The following ATL2 variants were observed in gnomAD, a reference collection of about 807,000 sequenced individuals.
ATL2 encodes the protein atlastin-2.
In ATL2, 31 loss-of-function variants were observed where a neutral mutation model predicts 73.9. The ratio of observed to expected loss-of-function variants is 0.42; its 90% CI spans 0.32 to 0.57. The LOEUF is 0.57. Among genes scored for constraint, ATL2 ranks in the 20% least tolerant of loss-of-function variants. The probability of loss-of-function intolerance (pLI) is 0.14; values close to 1 mark genes in which losing one functional copy is unlikely to be tolerated. For missense variants in ATL2, 738 were observed against 702.6 expected, an observed-to-expected ratio of 1.05 and a Z score of -0.57; for synonymous variants, 291 against 237.5, an observed-to-expected ratio of 1.23 and a Z score of -2.07.
intron 2 of ATL2, among the ~76,000 whole-genome samples, chr2:38,335,142 T>C (rs1284366253): frequency 6.6e-6 from 1 of 151,504 alleles, no homozygotes; most frequent in African/African-American, 2.4e-5. Flanking sequence ...ACACTGCTGA[T>C]GGAAGTGTAA....
At chr2:38,310,255 A>T (rs112531332) in intron 8 of ATL2, 54 bp downstream of exon 8, 3 of 1,584,406 alleles carry the variant, frequency 1.9e-6, no homozygotes. Context: ...TTCTTAAAAA[A>T]CTTTCCACCT....
intron 1 of ATL2, among the ~76,000 whole-genome samples, chr2:38,355,260 G>A (rs1159432776): frequency 4.6e-5 from 7 of 152,074 alleles, no homozygotes; most frequent in African/African-American, 7.2e-5. Flanking sequence ...CCGAGTAGCT[G>A]AGATTACAGT....
At chr2:38,359,296 C>G (rs112263334) in intron 1 of ATL2, among the ~76,000 whole-genome samples, 6 of 151,810 alleles carry the variant, frequency 4.0e-5, no homozygotes, top group Non-Finnish European at 8.8e-5. Flanking sequence ...ATGGTGAAAC[C>G]CTGTCTCCAC....
chr2:38,372,445 G>A (rs1671744242), intron 1 of ATL2, among the ~76,000 whole-genome samples: 1 of 152,132 alleles, frequency 6.6e-6, no homozygotes, highest in African/African-American at 2.4e-5. Flanking sequence ...ATGTTCCAGG[G>A]ACTGGAACAT....
At chr2:38,315,986 T>G (rs1489026051) in intron 4 of ATL2, among the ~76,000 whole-genome samples, 1 of 152,214 alleles carries the variant, frequency 6.6e-6, no homozygotes, top group Admixed American at 6.5e-5. Flanking sequence ...AGGGTCTAAG[T>G]ATCCTCAGGA....
At chr2:38,347,610 G>C (rs1670097957) in intron 1 of ATL2, among the ~76,000 whole-genome samples, 1 of 152,018 alleles carries the variant, frequency 6.6e-6, no homozygotes, top group South Asian at 2.1e-4. Context: ...CACAGAATGA[G>C]TGTGCCACTA....
At chr2:38,345,876 G>C (rs947845642) in intron 1 of ATL2, among the ~76,000 whole-genome samples, 5 of 151,962 alleles carry the variant, frequency 3.3e-5, no homozygotes, top group African/African-American at 1.2e-4. Context: ...TGTCAAACAG[G>C]CATAGCATTA....
chr2:38,370,628 G>A (rs75827147), intron 1 of ATL2, among the ~76,000 whole-genome samples: 2,441 of 152,070 alleles, frequency 0.016, 39 homozygotes, highest in East Asian at 0.058. Context: ...AAAATTAGGC[G>A]TGGTAGCGGG....
Position 38,295,403 on chromosome 2 carries a change from A to G in ATL2, c.*591T>C, listed in dbSNP as rs1403475724. On this transcript the variant is annotated 3_prime_UTR_variant, in exon 13 of 13. Transcript: ENST00000378954. ...ATGCATCTCCTTTTAGGGCAAGTTT[A>G]TAAATTTAAAAAGGCAAGACAAATG... 6.6e-6 allele frequency: 1 copy of G among 152,240 alleles called. No homozygotes were observed. Among genetic ancestry groups the G allele is most frequent in the African/African-American group, 2.4e-5 (1 of 41,466 alleles). 9.4% of individuals were successfully genotyped at this position (152,240 alleles called of 1,614,324 possible). A position where few individuals can be genotyped will look rare whatever the true frequency, so the allele number is the denominator to read the frequency against.
intron 1 of ATL2, among the ~76,000 whole-genome samples, chr2:38,369,632 G>C (rs1156504075): frequency 1.3e-5 from 2 of 151,206 alleles, no homozygotes; most frequent in African/African-American, 4.9e-5. Context: ...ACACCTGTAA[G>C]TCCCAGCTAC....
chr2:38,376,317 G>A (rs1486405457), intron 1 of ATL2: 1 of 1,253,818 alleles, frequency 8.0e-7, no homozygotes, highest in Non-Finnish European at 1.0e-6. Flanking sequence ...CGAGGGGGCA[G>A]GGGCGCTCCT....
intron 1 of ATL2, chr2:38,376,072 C>G (rs531842855): frequency 7.1e-7 from 1 of 1,401,386 alleles, no homozygotes; most frequent in African/African-American, 1.4e-5. Flanking sequence ...GACACGAGCT[C>G]GTATCTGTAT....
At chr2:38,340,020 A>AC (rs1369274072) in intron 2 of ATL2, among the ~76,000 whole-genome samples, 1 of 152,116 alleles carries the variant, frequency 6.6e-6, no homozygotes, top group African/African-American at 2.4e-5. Context: ...AAGCAACAAA[A>AC]ATAACGCAAA....
chr2:38,369,346 A>G (rs1671529722), intron 1 of ATL2, among the ~76,000 whole-genome samples: 1 of 152,128 alleles, frequency 6.6e-6, no homozygotes, highest in South Asian at 2.1e-4. Context: ...GCTACTTGGG[A>G]GGCAGAGGCA....
chr2:38,361,353 CAAAAAAA>C (rs921670483), intron 1 of ATL2, among the ~76,000 whole-genome samples: 20 of 59,798 alleles, frequency 3.3e-4, no homozygotes, highest in Admixed American at 1.5e-3. Context: ...GACTCCGTCT[CAAAAAAA>C]AAAAAAAAAA....
chr2:38,297,999 TA>T, intron 12 of ATL2, 144 bp downstream of exon 12: 1 of 772,546 alleles, frequency 1.3e-6, no homozygotes, highest in East Asian at 2.7e-5. Context: ...CTTCAATTCA[TA>T]AAGATTCTAC....
At chr2:38,377,797 G>A (rs1672078004), upstream of ATL2, among the ~76,000 whole-genome samples, 1 of 140,430 alleles carries the variant, frequency 7.1e-6, no homozygotes, top group Admixed American at 7.7e-5. Context: ...GTTGTTGCCA[G>A]TGCCCTGCTT....
At chr2:38,354,436 T>G (rs573301338) in intron 1 of ATL2, among the ~76,000 whole-genome samples, 114 of 152,298 alleles carry the variant, frequency 7.5e-4, no homozygotes, top group African/African-American at 2.7e-3. Context: ...AAAGACATGT[T>G]ATGAGGCAAA....
rs1432512142 is a variant in ATL2, at chr2:38,343,445, C to G, written c.186G>C (p.Gln62His). The G allele has an allele frequency of 1.2e-6, 2 of 1,612,566 alleles. No individual in the cohort carries two copies. The highest frequency in any genetic ancestry group is 1.1e-5 in the South Asian group (1 of 90,990). Residue 62 changes from glutamine to histidine, a missense_variant, in exon 2 of 13, where the codon CAG becomes CAC. Coordinates refer to ENST00000378954, the MANE Select transcript of ATL2 (RefSeq NM_001135673.4). ...DEVMKKPCPV[Q>H]IVLAHEDDHN... ...GGTCATCTTCATGAGCAAGAACAAT[C>G]TGTACTGGACATGGTTTCTTCATAA...
Sources: allele counts gnomAD v4.1 joint callset (sites outside exome capture counted in the v4.1 genomes callset), GRCh38; gene constraint gnomAD v4.1.1; transcripts MANE v1.5; gene names NCBI Gene and HGNC (gene_info 2026-07-23, HGNC 2026-07-21).